ELF1: variants seen among roughly 807,000 people sequenced by gnomAD.
The protein encoded by ELF1 is ETS-related transcription factor Elf-1.
In ELF1, 24 loss-of-function variants were observed where a neutral mutation model predicts 59.9. That is an observed-to-expected ratio of 0.40 (90% confidence interval 0.29 to 0.56). The LOEUF (loss-of-function observed/expected upper bound fraction) is 0.56. Among genes scored for constraint, ELF1 ranks in the 20% least tolerant of loss-of-function variants. The pLI, the probability that ELF1 is intolerant of heterozygous loss-of-function variation, is 0.44. For synonymous variants in ELF1, 248 were observed against 266.2 expected, an observed-to-expected ratio of 0.93 and a Z score of 0.67; for missense variants, 627 against 742.2, an observed-to-expected ratio of 0.84 and a Z score of 1.80.
chr13:41,034,791 A>T (rs753975086), intron 1 of ELF1, among the ~76,000 whole-genome samples: 3 of 62,812 alleles, frequency 4.8e-5, no homozygotes, highest in Non-Finnish European at 9.8e-5. Flanking sequence ...TATTCCTATT[A>T]AAAAAAAAAA....
intron 1 of ELF1, among the ~76,000 whole-genome samples, chr13:41,014,811 C>T (rs1386726199): frequency 6.6e-6 from 1 of 152,054 alleles, no homozygotes; most frequent in African/African-American, 2.4e-5. Context: ...GAATACCTAA[C>T]AATGTCCCAT....
chr13:40,950,031 A>AT (rs1870755020), intron 4 of ELF1, 58 bp from the exon 5 acceptor site: 7 of 1,385,056 alleles, frequency 5.1e-6, no homozygotes, highest in Middle Eastern at 2.6e-4. Context: ...TTAAAAAACG[A>AT]TTGAGAAAAT....
exon 1 of ELF1, chr13:41,060,955 C>CCGCCGCCGCCGCCGCCG (rs1445082763): frequency 8.5e-6 from 3 of 353,894 alleles, no homozygotes; most frequent in Admixed American, 3.5e-5. Context: ...GCTGCTGCTG[C>CCGCCGCCGCCGCCGCCG]CCACACGCTC....
chr13:40,959,038 A>G, intron 2 of ELF1, 22 bp from the exon 3 acceptor site: 1 of 1,572,588 alleles, frequency 6.4e-7, no homozygotes, highest in Non-Finnish European at 8.6e-7. Context: ...TAGGGAGAGG[A>G]AAATGAAAAC....
chr13:41,055,356 C>T (rs1877245917), intron 1 of ELF1, among the ~76,000 whole-genome samples: 1 of 151,674 alleles, frequency 6.6e-6, no homozygotes. Context: ...CATGCCTCTG[C>T]TCCTGCTTGC....
chr13:40,970,529 C>T (rs1029666794), intron 2 of ELF1, among the ~76,000 whole-genome samples: 3 of 152,208 alleles, frequency 2.0e-5, no homozygotes, highest in Non-Finnish European at 4.4e-5. Flanking sequence ...GCAGTGTTAT[C>T]TTTACATTGT....
At chr13:40,999,852 C>T (rs1017629280) in intron 1 of ELF1, among the ~76,000 whole-genome samples, 1 of 152,100 alleles carries the variant, frequency 6.6e-6, no homozygotes, top group African/African-American at 2.4e-5. Context: ...TGTTCTTCAC[C>T]TAAGAATTGG....
chr13:41,045,911 G>A (rs1001732604), intron 1 of ELF1, among the ~76,000 whole-genome samples: 4 of 152,126 alleles, frequency 2.6e-5, no homozygotes, highest in African/African-American at 9.7e-5. Flanking sequence ...ATTATTGTGT[G>A]GGAGTCTAAG....
At chr13:41,050,529 A>T (rs1009161300) in intron 1 of ELF1, among the ~76,000 whole-genome samples, 1 of 152,234 alleles carries the variant, frequency 6.6e-6, no homozygotes, top group Non-Finnish European at 1.5e-5. Context: ...ATCAAGAAGC[A>T]GAATTGCTGG....
intron 1 of ELF1, among the ~76,000 whole-genome samples, chr13:41,018,569 CTATT>C (rs1392378789): frequency 4.6e-5 from 7 of 152,226 alleles, no homozygotes; most frequent in Admixed American, 3.3e-4. Context: ...CTTTCTTCCT[CTATT>C]TAATATTCAC....
At chr13:41,060,962 G>A (rs952150316) in exon 1 of ELF1, 3 of 326,780 alleles carry the variant, frequency 9.2e-6, no homozygotes, top group South Asian at 4.6e-5. Context: ...CTGCCCACAC[G>A]CTCCCGAGCT....
intron 1 of ELF1, among the ~76,000 whole-genome samples, chr13:41,043,503 G>A (rs1203073131): frequency 6.6e-6 from 1 of 152,066 alleles, no homozygotes; most frequent in Non-Finnish European, 1.5e-5. Flanking sequence ...AAGGGATCCA[G>A]TTTCAGCTTT....
chr13:41,042,422 T>C (rs527759207), intron 1 of ELF1, among the ~76,000 whole-genome samples: 1 of 152,308 alleles, frequency 6.6e-6, no homozygotes, highest in African/African-American at 2.4e-5. Context: ...ACTCGTCATT[T>C]ATATTTGGCA....
At chr13:40,973,642 C>CT (rs59812708) in intron 2 of ELF1, among the ~76,000 whole-genome samples, 6,448 of 142,186 alleles carry the variant, frequency 0.045, 158 homozygotes, top group Admixed American at 0.067. Context: ...TGCTAATTTC[C>CT]TTTTTTTTTT....
At chr13:41,010,725 CAAT>C (rs1314673015) in intron 1 of ELF1, among the ~76,000 whole-genome samples, 1 of 151,844 alleles carries the variant, frequency 6.6e-6, no homozygotes, top group African/African-American at 2.4e-5. Flanking sequence ...CTGAATGAAT[CAAT>C]AATAATATAG....
Position 40,933,788 on chromosome 13 carries a change from C to G in ELF1, c.1497G>C (p.Leu499Phe), listed in dbSNP as rs1389961820. 4 of 1,614,116 alleles carry G rather than the reference C, an allele frequency of 2.5e-6. No individual in the cohort carries two copies. The highest frequency in any genetic ancestry group is 3.4e-6 in the Non-Finnish European group (4 of 1,180,050). Residue 499 changes from leucine (L) to phenylalanine (F), a missense_variant, in exon 9 of 9, where the codon TTG (leucine) becomes TTC (phenylalanine). Around this residue, in one of 3 missense-constraint regions of ELF1, gnomAD observed 361 missense variants for 396.1 expected, o/e 0.91. Transcript: ENST00000239882. The stretch of plus-strand genomic sequence containing the variant: ...GGACCTGCTGAACCTGGGCAGGGCC[C>G]AAGACAATTGAAGGAGGAGAGCCCG... ...QKAGSPPSIV[L>F]GPAQVQQVLT...
intron 1 of ELF1, among the ~76,000 whole-genome samples, chr13:41,041,342 C>T (rs1876602563): frequency 6.6e-6 from 1 of 151,648 alleles, no homozygotes; most frequent in South Asian, 2.1e-4. Flanking sequence ...TTGCTAAGTC[C>T]TTGACATACA....
At chr13:40,947,021 G>A (rs1353392704) in intron 5 of ELF1, among the ~76,000 whole-genome samples, 1 of 151,086 alleles carries the variant, frequency 6.6e-6, no homozygotes, top group Non-Finnish European at 1.5e-5. Context: ...CATTTTTGTT[G>A]AATGTACCAA....
chr13:40,978,278 T>C lies in ELF1; in HGVS notation c.72+3705A>G, dbSNP rs1323165353. On this transcript the variant is annotated intron_variant, in intron 2 of 8. Transcript: ENST00000239882. ...CTGTAGTCCCAGCTACTTGGGAAGCTGAGGCAGAAGAATTGCTTGAACCTG... is the reference window on the plus strand; with the variant it reads ...CTGTAGTCCCAGCTACTTGGGAAGCCGAGGCAGAAGAATTGCTTGAACCTG... Among the ~76,000 whole-genome samples the C allele has an allele frequency of 2.0e-5, 3 of 151,620 alleles. No homozygotes were observed. In the East Asian group the frequency reaches 5.8e-4, roughly 29 times the overall value.
Sources: gnomAD v4.1 joint callset for allele counts (sites outside exome capture counted in the v4.1 genomes callset) on GRCh38, gnomAD v4.1.1 for gene constraint, gnomAD v4.1.1 regional missense constraint, MANE v1.5 for transcripts, NCBI Gene and HGNC (gene_info 2026-07-23, HGNC 2026-07-21) for gene names.